The following TTC7B variants were observed in gnomAD, a reference collection of about 807,000 sequenced individuals.
The protein encoded by TTC7B is tetratricopeptide repeat domain 7B, also known as tetratricopeptide repeat protein 7B.
Under a neutral mutation model 106.8 loss-of-function variants are expected in TTC7B, and 28 were observed. The ratio of observed to expected loss-of-function variants is 0.26; its 90% CI spans 0.19 to 0.36. The LOEUF (loss-of-function observed/expected upper bound fraction) is 0.36, where lower values mean the gene tolerates loss of function less well. Among genes scored for constraint, TTC7B ranks in the 10% least tolerant of loss-of-function variants. The probability of loss-of-function intolerance (pLI) is 1.00; values close to 1 mark genes in which losing one functional copy is unlikely to be tolerated. For missense variants in TTC7B, 862 were observed against 1,076.4 expected (o/e 0.80, Z 2.79); for synonymous variants, 405 against 430.6 (o/e 0.94, Z 0.74).
At chr14:90,728,772 G>T (rs1325554353) in intron 5 of TTC7B, among the ~76,000 whole-genome samples, 1 of 152,214 alleles carries the variant, frequency 6.6e-6, no homozygotes, top group Non-Finnish European at 1.5e-5. Flanking sequence ...TAATTCCCGG[G>T]TCCGGACCTC....
intron 15 of TTC7B, among the ~76,000 whole-genome samples, chr14:90,629,261 T>A (rs1884586331): frequency 1.3e-5 from 2 of 152,334 alleles, no homozygotes; most frequent in African/African-American, 4.8e-5. Flanking sequence ...TCTTTTTTTT[T>A]AAATAGTAAA....
chr14:90,775,745 T>C (rs1383015602), intron 3 of TTC7B, among the ~76,000 whole-genome samples: 1 of 152,050 alleles, frequency 6.6e-6, no homozygotes, highest in African/African-American at 2.4e-5. Context: ...TCTCCCCTAC[T>C]GGGAAATAAA....
chr14:90,768,042 G>A (rs1288329525), intron 3 of TTC7B, among the ~76,000 whole-genome samples: 2 of 148,312 alleles, frequency 1.3e-5, no homozygotes, highest in African/African-American at 4.9e-5. Flanking sequence ...AAGGACAAAG[G>A]GAGAATCTTA....
chr14:90,578,625 G>A lies in TTC7B; in HGVS notation c.2108-317C>T, dbSNP rs760678909. Among the ~76,000 whole-genome samples the A allele has an allele frequency of 2.0e-4, 30 of 152,012 alleles. No individual in the cohort carries two copies. Among genetic ancestry groups the A allele is most frequent in the African/African-American group, 6.5e-4 (27 of 41,388 alleles). ...CAGGGCCCACCCGGGGCTCCTCAGT[G>A]TCTGGACAGAGGCTGGCCCGGTCCA... On this transcript the variant is annotated intron_variant, in intron 18 of 19. Coordinates refer to ENST00000328459, the MANE Select transcript of TTC7B (RefSeq NM_001010854.2). This position sits in a 1 kb window ranked among gnomAD's most constrained non-coding sequence, Gnocchi z 4.7.
chr14:90,635,872 C>A (rs1884918156), intron 15 of TTC7B, among the ~76,000 whole-genome samples: 2 of 151,882 alleles, frequency 1.3e-5, no homozygotes, highest in Non-Finnish European at 2.9e-5. Flanking sequence ...GTAATCCCAG[C>A]ACTTTGGGAG....
At chr14:90,644,343 T>A in intron 14 of TTC7B, 135 bp from the exon 15 acceptor site, 1 of 957,498 alleles carries the variant, frequency 1.0e-6, no homozygotes, top group Non-Finnish European at 1.5e-6. Flanking sequence ...TTTCACATTG[T>A]GCCTCATTCA....
At chr14:90,781,188 A>G (rs1157113920) in intron 2 of TTC7B, among the ~76,000 whole-genome samples, 1 of 152,246 alleles carries the variant, frequency 6.6e-6, no homozygotes, top group African/African-American at 2.4e-5. Context: ...CATGATGCCA[A>G]GTGAAAAATC....
intron 17 of TTC7B, chr14:90,603,339 A>C (rs1258675278): frequency 7.9e-7 from 1 of 1,270,768 alleles, no homozygotes; most frequent in African/African-American, 1.5e-5. Flanking sequence ...ATTAAAACCA[A>C]GAAACAAAAC....
At chr14:90,616,822 T>A (rs1893100250) in intron 16 of TTC7B, among the ~76,000 whole-genome samples, 1 of 152,194 alleles carries the variant, frequency 6.6e-6, no homozygotes, top group South Asian at 2.1e-4. Flanking sequence ...CGCCTCACCC[T>A]TCGTACTCAT....
At chr14:90,801,859 G>A (rs990745419) in intron 1 of TTC7B, among the ~76,000 whole-genome samples, 1 of 152,046 alleles carries the variant, frequency 6.6e-6, no homozygotes, top group African/African-American at 2.4e-5. Flanking sequence ...TCAGGAGTTC[G>A]AGACCAGCCT....
chr14:90,726,075 C>T (rs756890109), intron 5 of TTC7B, among the ~76,000 whole-genome samples: 1 of 152,206 alleles, frequency 6.6e-6, no homozygotes, highest in Non-Finnish European at 1.5e-5. Context: ...CACTGCATTC[C>T]AGCCTGGGCC....
intron 5 of TTC7B, among the ~76,000 whole-genome samples, chr14:90,701,422 G>A (rs1887979069): frequency 1.3e-5 from 2 of 152,058 alleles, no homozygotes; most frequent in Admixed American, 1.3e-4. Context: ...GTGGCTTCTT[G>A]GAGTTCATAC....
chr14:90,647,063 G>T, intron 13 of TTC7B, 40 bp from the exon 14 acceptor site: 1 of 1,580,568 alleles, frequency 6.3e-7, no homozygotes, highest in Non-Finnish European at 8.7e-7. Context: ...TGGGAGAGGA[G>T]GCCATTTTTA....
chr14:90,650,324 T>C (rs998606777), intron 13 of TTC7B, among the ~76,000 whole-genome samples: 1 of 152,206 alleles, frequency 6.6e-6, no homozygotes, highest in East Asian at 1.9e-4. Flanking sequence ...GATTCGTGCA[T>C]TAAGTTTTTT....
chr14:90,798,889 G>A (rs1416316068), intron 1 of TTC7B, among the ~76,000 whole-genome samples: 1 of 151,906 alleles, frequency 6.6e-6, no homozygotes. Context: ...CCTATAATTC[G>A]ATTTTTACTA....
intron 1 of TTC7B, among the ~76,000 whole-genome samples, chr14:90,806,391 C>T (rs1002895086): frequency 6.6e-6 from 1 of 152,212 alleles, no homozygotes; most frequent in African/African-American, 2.4e-5. Context: ...TCAGTACAAC[C>T]AGAACCCCAC....
chr14:90,559,932 C>T (rs1422159494), intron 19 of TTC7B, among the ~76,000 whole-genome samples: 1 of 152,240 alleles, frequency 6.6e-6, no homozygotes, highest in Non-Finnish European at 1.5e-5. Flanking sequence ...CCCCACCGTG[C>T]TACCCTTCCT....
At chr14:90,576,970 A>G (rs2139802948) in intron 19 of TTC7B, among the ~76,000 whole-genome samples, 1 of 152,288 alleles carries the variant, frequency 6.6e-6, no homozygotes. Context: ...CTGAGAGCTT[A>G]GGGGCCTTTC....
At chr14:90,710,108 A>G (rs1303674764) in intron 5 of TTC7B, among the ~76,000 whole-genome samples, 1 of 151,650 alleles carries the variant, frequency 6.6e-6, no homozygotes, top group Non-Finnish European at 1.5e-5. Context: ...TCTAGATACC[A>G]CTAAGAACAC....
Sources: gnomAD v4.1 joint callset for allele counts (sites outside exome capture counted in the v4.1 genomes callset) on GRCh38, gnomAD v4.1.1 for gene constraint, Gnocchi (gnomAD v3.1) non-coding constraint, MANE v1.5 for transcripts, NCBI Gene and HGNC (gene_info 2026-07-23, HGNC 2026-07-21) for gene names.